The following SERPINB4 variants were observed in gnomAD, a reference collection of about 807,000 sequenced individuals.
SERPINB4 encodes the protein serpin B4.
In SERPINB4, 39 loss-of-function variants were observed where a neutral mutation model predicts 33.2. The ratio of observed to expected loss-of-function variants is 1.18; its 90% CI spans 0.91 to 1.53. The LOEUF (loss-of-function observed/expected upper bound fraction) is 1.53, where lower values mean the gene tolerates loss of function less well. SERPINB4 is among the 40% of genes most tolerant of loss of function. The pLI, the probability that SERPINB4 is intolerant of heterozygous loss-of-function variation, is 0.00. For missense variants in SERPINB4, 564 were observed against 455.4 expected (o/e 1.24, Z -2.17); for synonymous variants, 191 against 166.4 (o/e 1.15, Z -1.14).
chr18:63,638,231 A>G, intron 7 of SERPINB4, 108 bp from the exon 8 acceptor site: 1 of 1,269,710 alleles, frequency 7.9e-7, no homozygotes, highest in East Asian at 2.5e-5. Context: ...TAAATGTGAA[A>G]TACAGAAGGT....
rs148496054 is a variant in SERPINB4, at chr18:63,643,536, A to T, written c.42T>A (p.Asp14Glu). 6.2e-7 allele frequency: 1 copy of T among 1,612,718 alleles called. No homozygotes were observed. The highest frequency in any genetic ancestry group is 1.3e-5 in the African/African-American group (1 of 74,622). The change falls in exon 2 of 8, where the codon GAT becomes GAA. Residue 14 changes from aspartate to glutamate, a missense_variant. Transcript: ENST00000341074. Reference protein sequence around the residue: ...LSEANTKFMFDLFQQFRKSKE... With the variant: ...LSEANTKFMFELFQQFRKSKE... ...TTGATTTTCTGAACTGTTGGAACAG[A>T]TCGAACATGAACTTGGTGTTGGCTT...
chr18:63,640,280 C>G (rs1913082211), intron 5 of SERPINB4, among the ~76,000 whole-genome samples: 2 of 151,960 alleles, frequency 1.3e-5, no homozygotes, highest in South Asian at 4.1e-4. Context: ...CCTATTCACT[C>G]TCATGTTGAG....
intron 7 of SERPINB4, among the ~76,000 whole-genome samples, 173 bp downstream of exon 7, chr18:63,639,012 G>T (rs1913033445): frequency 6.6e-6 from 1 of 152,036 alleles, no homozygotes; most frequent in Non-Finnish European, 1.5e-5. Context: ...CTTTCAGTTT[G>T]TGTCAGGCCC....
rs2144461131 is a variant in SERPINB4, at chr18:63,637,858, G to A, written c.1034C>T (p.Ala345Val). The A allele has an allele frequency of 6.2e-7, 1 of 1,613,504 alleles. No homozygotes were observed. The highest frequency in any genetic ancestry group is 8.5e-7 in the Non-Finnish European group (1 of 1,179,714). Residue 345 changes from alanine (A) to valine (V), a missense_variant, in exon 8 of 8, where the codon GCT becomes GTT. Coordinates refer to ENST00000341074, the MANE Select transcript of SERPINB4 (RefSeq NM_002974.4). ...EVTEEGVEAA[A>V]ATAVVVVELS... is the part of the protein sequence containing the mutation. ...TTCGACTACTACTACAGCGGTGGCA[G>A]CTGCAGCTTCCACTCCCTCCTCAGT...
At position 63,637,999 on chromosome 18, in the gene SERPINB4, G is replaced by C. The variant is rs367838172; in HGVS notation, c.893C>G (p.Thr298Arg). The stretch of plus-strand genomic sequence containing the variant: ...ATTCACCATTCCCATGGTTCTCAAC[G>C]TGTCCTTGAGGTCATAGCTCTCTTC... The part of the protein sequence containing the change: ...KMEESYDLKD[T>R]LRTMGMVNIF... The change falls in exon 8 of 8, where the codon ACG becomes AGG. Residue 298 changes from threonine (T) to arginine (R), a missense_variant. Coordinates refer to ENST00000341074, the MANE Select transcript of SERPINB4 (RefSeq NM_002974.4). The C allele has an allele frequency of 1.5e-5, 25 of 1,613,454 alleles. No individual in the cohort carries two copies. In the Admixed American group the frequency reaches 2.2e-4, roughly 14 times the overall value.
At position 63,637,578 on chromosome 18, in the gene SERPINB4, T is replaced by C. The variant is rs1437404352; in HGVS notation, c.*141A>G. 3 of 826,052 alleles carry C rather than the reference T, an allele frequency of 3.6e-6. No homozygotes were observed. In the East Asian group the frequency reaches 7.7e-5, roughly 21 times the overall value. The allele number at this position is 826,052 out of a possible 1,614,324, so 51.2% of individuals were successfully genotyped here. On this transcript the variant is annotated 3_prime_UTR_variant, in exon 8 of 8. Coordinates refer to ENST00000341074, the MANE Select transcript of SERPINB4 (RefSeq NM_002974.4). Reference sequence around the variant, plus strand: ...GAGAAAGGCATGCTATTTTAATCATTAAATTCTTGATGATGACTATCATCA... The same window carrying C: ...GAGAAAGGCATGCTATTTTAATCATCAAATTCTTGATGATGACTATCATCA...
chr18:63,641,308 T>C (rs1913122523), intron 4 of SERPINB4, among the ~76,000 whole-genome samples: 1 of 152,126 alleles, frequency 6.6e-6, no homozygotes, highest in South Asian at 2.1e-4. Context: ...CCAGTAATTT[T>C]AACCATGATG....
Position 63,637,667 on chromosome 18 carries a change from C to T in SERPINB4, c.*52G>A. ...CTGTTGTTGCCAGCAATCAGTTTAC[C>T]AGAACACCTCTAGGTGAACATTTTC... On this transcript the variant is annotated 3_prime_UTR_variant, in exon 8 of 8. Transcript: ENST00000341074. 13 of 1,516,652 alleles carry T rather than the reference C, an allele frequency of 8.6e-6. No individual in the cohort carries two copies. The highest frequency in any genetic ancestry group is 2.7e-5 in the South Asian group (2 of 74,964). The allele number at this position is 1,516,652 out of a possible 1,614,324, so 93.9% of individuals were successfully genotyped here.
At chr18:63,640,769 C>A in intron 5 of SERPINB4, 105 bp downstream of exon 5, 1 of 955,490 alleles carries the variant, frequency 1.0e-6, no homozygotes, top group Non-Finnish European at 1.6e-6. Context: ...GCCCTCCCTG[C>A]AAACCCATCT....
In SERPINB4 at chr18:63,643,399, A is replaced by C; in HGVS notation, c.165+14T>G. ...AAAACTGCAACAGGACAACGTAATG[A>C]TGCTGATAGCTACCTTGCTAATTTG... On this transcript the variant is annotated intron_variant, in intron 2 of 7. Transcript: ENST00000341074. The C allele has an allele frequency of 2.5e-6, 4 of 1,613,620 alleles. No homozygotes were observed. The highest frequency in any genetic ancestry group is 3.4e-6 in the Non-Finnish European group (4 of 1,179,662).
rs565672501 is a variant in SERPINB4 at position 63,639,442 on chromosome 18, C to A, written c.613-102G>T. On this transcript the variant is annotated intron_variant, in intron 6 of 7. Coordinates refer to ENST00000341074, the MANE Select transcript of SERPINB4 (RefSeq NM_002974.4). ...ACATCCTTCTTCTTCTAAGAAATAA[C>A]CCAGGAATTCCATGAGTTAGAAACA... is the stretch of plus-strand genomic sequence containing the variant. The A allele has an allele frequency of 4.4e-4, 541 of 1,225,150 alleles. 7 individuals carry two copies. The South Asian group carries it at 8.6e-3, about 20-fold the overall frequency. The allele number at this position is 1,225,150 out of a possible 1,614,324, so 75.9% of individuals were successfully genotyped here.
In SERPINB4 at chr18:63,643,301, G is replaced by A. The variant is rs376174808; in HGVS notation, c.166-84C>T. The A allele has an allele frequency of 6.7e-5, 108 of 1,611,090 alleles. 1 individual carries two copies. The South Asian group carries it at 9.2e-4, about 14-fold the overall frequency. On this transcript the variant is annotated intron_variant, in intron 2 of 7. Coordinates refer to ENST00000341074, the MANE Select transcript of SERPINB4 (RefSeq NM_002974.4). ...TGGTCTCACAGTTATGGGAATTCCT[G>A]CACAGCCCCCTGTGCTACCCATCAG... is the stretch of plus-strand genomic sequence containing the variant.
chr18:63,639,384 A>T, intron 6 of SERPINB4, 44 bp from the exon 7 acceptor site: 1 of 1,541,754 alleles, frequency 6.5e-7, no homozygotes, highest in Non-Finnish European at 8.9e-7. Flanking sequence ...GTGAAACACA[A>T]GACAAAAAAG....
At position 63,637,807 on chromosome 18, in the gene SERPINB4, T is replaced by A; in HGVS notation, c.1085A>T (p.Glu362Val). 1 of 1,613,520 alleles carries A rather than the reference T, an allele frequency of 6.2e-7. No individual in the cohort carries two copies. Among genetic ancestry groups the A allele is most frequent in the East Asian group, 2.2e-5 (1 of 44,866 alleles). ...TAGGAAAGGGTGATTACAACAGAAC[T>A]CTTCATTAGTTGAAGGAGATGATAA... Reference protein sequence around the residue: ...VELSSPSTNEEFCCNHPFLFF... With the variant: ...VELSSPSTNEVFCCNHPFLFF... Residue 362 changes from glutamate (E) to valine (V), a missense_variant, in exon 8 of 8, where the codon GAG becomes GTG. Physicochemically the swap from Glu to Val is moderately radical, Grantham distance 121 (BLOSUM62 -2). Transcript: ENST00000341074.
At chr18:63,641,614 G>T in intron 4 of SERPINB4, 146 bp downstream of exon 4, 1 of 1,188,738 alleles carries the variant, frequency 8.4e-7, no homozygotes, top group Non-Finnish European at 1.2e-6. Context: ...GTGGGGGAGA[G>T]TTGTGGAAAT....
At chr18:63,639,160 A>T in intron 7 of SERPINB4, 25 bp downstream of exon 7, 1 of 1,558,554 alleles carries the variant, frequency 6.4e-7, no homozygotes, top group Non-Finnish European at 8.7e-7. Flanking sequence ...CAGTAGAAGG[A>T]AGAGTTGTAG....
At chr18:63,639,597 A>G (rs772505790) in intron 6 of SERPINB4, 37 bp downstream of exon 6, 2 of 1,329,010 alleles carry the variant, frequency 1.5e-6, no homozygotes, top group African/African-American at 3.0e-5. Flanking sequence ...TCCATGTATT[A>G]ACATATTACA....
At chr18:63,642,638 A>G (rs547313731) in intron 3 of SERPINB4, among the ~76,000 whole-genome samples, 177 of 152,248 alleles carry the variant, frequency 1.2e-3, no homozygotes, top group African/African-American at 4.2e-3. Context: ...TTTCCAAAAT[A>G]TACTTGGACT....
In SERPINB4 at chr18:63,637,353, A is replaced by G. The variant is rs1483269457; in HGVS notation, c.*366T>C. On this transcript the variant is annotated 3_prime_UTR_variant, in exon 8 of 8. Transcript: ENST00000341074. ...TTTAGGTATCACCTAAATTCAAAGA[A>G]ATGTGTGTTTCTAGGTTGCTAAATT... 1 of 169,522 alleles carries G rather than the reference A, an allele frequency of 5.9e-6. No homozygotes were observed. The highest frequency in any genetic ancestry group is 2.4e-5 in the African/African-American group (1 of 42,092). The allele number at this position is 169,522 out of a possible 1,614,324, so 10.5% of individuals were successfully genotyped here.
Sources: gnomAD v4.1 joint callset for allele counts (sites outside exome capture counted in the v4.1 genomes callset) on GRCh38, gnomAD v4.1.1 for gene constraint, MANE v1.5 for transcripts, NCBI Gene and HGNC (gene_info 2026-07-23, HGNC 2026-07-21) for gene names.